FDX1: variants seen among roughly 807,000 people sequenced by gnomAD.
FDX1 encodes adrenodoxin, mitochondrial.
Under a neutral mutation model 14.9 loss-of-function variants are expected in FDX1, and 9 were observed. The ratio of observed to expected loss-of-function variants is 0.60; its 90% confidence interval spans 0.36 to 1.05. The LOEUF (loss-of-function observed/expected upper bound fraction) is 1.05. Ranked by LOEUF, FDX1 falls within the 50% of genes least tolerant of loss-of-function variation. The pLI is 0.01. For synonymous variants in FDX1, 92 were observed against 99.4 expected, an observed-to-expected ratio of 0.93 and a Z score of 0.44; for missense variants, 204 against 237.2, an observed-to-expected ratio of 0.86 and a Z score of 0.92.
intron 1 of FDX1, among the ~76,000 whole-genome samples, chr11:110,431,914 G>C (rs761937625): frequency 2.0e-5 from 3 of 152,114 alleles, no homozygotes; most frequent in Non-Finnish European, 4.4e-5. Context: ...AATGAGACTT[G>C]TGCTGTAACT....
intron 1 of FDX1, among the ~76,000 whole-genome samples, chr11:110,435,252 T>C (rs1946360972): frequency 6.6e-6 from 1 of 152,216 alleles, no homozygotes; most frequent in Admixed American, 6.5e-5. Context: ...GATCTTGCCA[T>C]GTTGCCCAGG....
At chr11:110,447,493 A>T (rs1946459383) in intron 2 of FDX1, among the ~76,000 whole-genome samples, 2 of 152,068 alleles carry the variant, frequency 1.3e-5, no homozygotes, top group South Asian at 4.2e-4. Flanking sequence ...CTTTGCACAT[A>T]GGATAAAATC....
In FDX1 at chr11:110,444,708, ATATATATATATATACG is replaced by A. The variant is rs1282072484; in HGVS notation, c.310+8765_310+8780del. Among the ~76,000 whole-genome samples, 54 of 46,634 alleles carry A rather than the reference ATATATATATATATACG, an allele frequency of 1.2e-3. 2 individuals are homozygous for A. Among genetic ancestry groups the A allele is most frequent in the Non-Finnish European group, 8.8e-4 (23 of 26,188 alleles). 30.6% of individuals were successfully genotyped at this position (46,634 alleles called of 152,430 possible). On this transcript the variant is annotated intron_variant, in intron 2 of 3. Coordinates refer to ENST00000260270, the MANE Select transcript of FDX1 (RefSeq NM_004109.5). The stretch of plus-strand genomic sequence containing the variant: ...TACACGTATATATATATATATACGT[ATATATATATATATACG>A]TATATATATATATATATATACACGT...
At chr11:110,434,787 A>G (rs980506295) in intron 1 of FDX1, among the ~76,000 whole-genome samples, 4 of 142,306 alleles carry the variant, frequency 2.8e-5, no homozygotes, top group African/African-American at 1.1e-4. Flanking sequence ...TTAGAGTGCA[A>G]TGGTGTAATC....
chr11:110,460,608 C>G (rs188579123), intron 3 of FDX1, among the ~76,000 whole-genome samples: 1 of 152,240 alleles, frequency 6.6e-6, no homozygotes, highest in African/African-American at 2.4e-5. Flanking sequence ...CTTTCTCCCT[C>G]GGTGGCATTT....
At chr11:110,442,827 T>C (rs1473907837) in intron 2 of FDX1, among the ~76,000 whole-genome samples, 4 of 152,194 alleles carry the variant, frequency 2.6e-5, no homozygotes, top group Non-Finnish European at 2.9e-5. Flanking sequence ...GGTCTAGCCA[T>C]GTCCCCTCCT....
intron 2 of FDX1, among the ~76,000 whole-genome samples, chr11:110,449,668 C>T (rs1946473943): frequency 6.6e-6 from 1 of 152,126 alleles, no homozygotes; most frequent in Admixed American, 6.5e-5. Context: ...TACTCTGTCA[C>T]TCAGGCTGGA....
At chr11:110,446,408 G>GGTGAGA (rs1434518317) in intron 2 of FDX1, among the ~76,000 whole-genome samples, 1 of 152,136 alleles carries the variant, frequency 6.6e-6, no homozygotes, top group African/African-American at 2.4e-5. Context: ...GATCTCATCC[G>GGTGAGA]TTCTGTGACC....
intron 2 of FDX1, among the ~76,000 whole-genome samples, chr11:110,455,979 C>T (rs900821521): frequency 1.3e-5 from 2 of 152,146 alleles, no homozygotes; most frequent in African/African-American, 4.8e-5. Flanking sequence ...CAGATTCGTC[C>T]TGGTTTAGTT....
At chr11:110,459,755 C>G (rs1833044167) in intron 3 of FDX1, among the ~76,000 whole-genome samples, 1 of 152,192 alleles carries the variant, frequency 6.6e-6, no homozygotes, top group South Asian at 2.1e-4. Flanking sequence ...TTGTCTCCTT[C>G]TCTAGAAGTA....
At chr11:110,446,293 G>A (rs906687251) in intron 2 of FDX1, among the ~76,000 whole-genome samples, 7 of 152,172 alleles carry the variant, frequency 4.6e-5, no homozygotes, top group South Asian at 2.1e-4. Context: ...GCTGAATGCA[G>A]GAGCCCATCT....
At chr11:110,437,902 T>G (rs2134569572) in intron 2 of FDX1, among the ~76,000 whole-genome samples, 1 of 152,384 alleles carries the variant, frequency 6.6e-6, no homozygotes, top group African/African-American at 2.4e-5. Context: ...TTTCTGGTTC[T>G]GTGTTAATTT....
At position 110,464,608 on chromosome 11, in the gene FDX1, A is replaced by C. The variant is rs955926785; in HGVS notation, c.*2140A>C. ...ACACTGGCAATTTAATTTCAAGATGAGTTTTGGAGGGGACATTCAAACCAT... is the reference window on the plus strand; with the variant it reads ...ACACTGGCAATTTAATTTCAAGATGCGTTTTGGAGGGGACATTCAAACCAT... On this transcript the variant is annotated 3_prime_UTR_variant, in exon 4 of 4. Transcript: ENST00000260270. 1.3e-5 allele frequency: 2 copies of C among 152,130 alleles called. No homozygotes were observed. The highest frequency in any genetic ancestry group is 4.1e-4 in the South Asian group (2 of 4,828). The allele number at this position is 152,130 out of a possible 1,614,324, so 9.4% of individuals were successfully genotyped here.
rs1946427004 is a variant in FDX1 at position 110,444,645 on chromosome 11, TGTGTGTATATATATATATAC to T, written c.310+8690_310+8709del. The stretch of plus-strand genomic sequence containing the variant: ...AAAAGAAAATATATGTGTGTGTGTG[TGTGTGTATATATATATATAC>T]GTATATATATATATATATACACGTA... On this transcript the variant is annotated intron_variant, in intron 2 of 3. Transcript: ENST00000260270. 1.4e-4 allele frequency among the ~76,000 whole-genome samples: 13 copies of T among 94,586 alleles called. 1 individual carries two copies. Among genetic ancestry groups the T allele is most frequent in the East Asian group, 9.9e-4 (2 of 2,020 alleles). 62.1% of individuals were successfully genotyped at this position (94,586 alleles called of 152,430 possible).
Position 110,430,290 on chromosome 11 carries a change from C to A in FDX1, c.170C>A (p.Ala57Glu). ...AEASRSLSVS[A>E]RARSSSEDKI... ...GCGAGCCGGTCGCTGAGCGTGTCGG[C>A]GCGGGCCCGGAGCAGGTAGGGCGCC... Residue 57 changes from alanine (A) to glutamate (E), a missense_variant, in exon 1 of 4, where the codon GCG becomes GAG. Physicochemically the swap from Ala to Glu is moderately radical, Grantham distance 107 (BLOSUM62 -1). Transcript: ENST00000260270. 1 of 1,198,706 alleles carries A rather than the reference C, an allele frequency of 8.3e-7. No individual in the cohort carries two copies. Among genetic ancestry groups the A allele is most frequent in the Non-Finnish European group, 1.0e-6 (1 of 966,462 alleles). 74.3% of individuals were successfully genotyped at this position (1,198,706 alleles called of 1,614,324 possible). A position where few individuals can be genotyped will look rare whatever the true frequency, so the allele number is the denominator to read the frequency against.
chr11:110,463,952 AC>A lies in FDX1; in HGVS notation c.*1485del, dbSNP rs1946576232. The A allele has an allele frequency of 7.0e-6, 1 of 142,588 alleles. No individual in the cohort carries two copies. Among genetic ancestry groups the A allele is most frequent in the African/African-American group, 2.6e-5 (1 of 37,918 alleles). The allele number at this position is 142,588 out of a possible 1,614,324, so 8.8% of individuals were successfully genotyped here. A position where few individuals can be genotyped will look rare whatever the true frequency, so the allele number is the denominator to read the frequency against. On this transcript the variant is annotated 3_prime_UTR_variant, in exon 4 of 4. Transcript: ENST00000260270. ...GCGGGGGACAGGGTCTTACTCTGTC[AC>A]TCAGGCCAGAGTACAATAGTATGAT... is the stretch of plus-strand genomic sequence containing the variant.
intron 2 of FDX1, among the ~76,000 whole-genome samples, chr11:110,448,307 G>A (rs1323621010): frequency 6.6e-6 from 1 of 152,138 alleles, no homozygotes; most frequent in East Asian, 1.9e-4. Flanking sequence ...ATGTATTTCT[G>A]ACTATGCTAG....
At chr11:110,447,430 G>A (rs1042044139) in intron 2 of FDX1, among the ~76,000 whole-genome samples, 1 of 152,068 alleles carries the variant, frequency 6.6e-6, no homozygotes, top group Admixed American at 6.6e-5. Flanking sequence ...CTCCAGTCTG[G>A]CAGCAAAGTG....
intron 3 of FDX1, among the ~76,000 whole-genome samples, chr11:110,458,701 G>T (rs1436141715): frequency 1.3e-5 from 2 of 151,568 alleles, no homozygotes; most frequent in Non-Finnish European, 2.9e-5. Context: ...TCTGCCTCCC[G>T]GGTTCAAGCA....
Sources: gnomAD v4.1 joint callset for allele counts (sites outside exome capture counted in the v4.1 genomes callset) on GRCh38, gnomAD v4.1.1 for gene constraint, MANE v1.5 for transcripts, NCBI Gene and HGNC (gene_info 2026-07-23, HGNC 2026-07-21) for gene names.